Variants in TLK1 observed in about 807,000 individuals in gnomAD.
The protein encoded by TLK1 is tousled like kinase 1.
A neutral mutation model predicts 105.3 loss-of-function variants in TLK1; 24 were observed. The observed-to-expected ratio is 0.23, with a 90% CI of 0.17 to 0.32. The LOEUF (loss-of-function observed/expected upper bound fraction) is 0.32, where lower values mean the gene tolerates loss of function less well. TLK1 is among the 10% of genes least tolerant of loss of function. The probability of loss-of-function intolerance (pLI) is 1.00; values close to 1 mark genes in which losing one functional copy is unlikely to be tolerated. For missense variants in TLK1, 558 were observed against 910.5 expected (o/e 0.61, Z 4.98); for synonymous variants, 321 against 310.4 (o/e 1.03, Z -0.36).
chr2:171,090,402 T>C lies in TLK1; in HGVS notation c.259-7550A>G, dbSNP rs992543284. Among the ~76,000 whole-genome samples the C allele has an allele frequency of 2.6e-5, 4 of 152,254 alleles. No individual in the cohort carries two copies. The South Asian group carries it at 8.3e-4, about 32-fold the overall frequency. On this transcript the variant is annotated intron_variant, in intron 2 of 20. Coordinates refer to ENST00000431350, the MANE Select transcript of TLK1 (RefSeq NM_012290.5). ...AGATTCCTTGTGATTTTTCTCTAGA[T>C]CATAATCATGTTATGGGGATAATCT...
intron 3 of TLK1, 32 bp from the exon 4 acceptor site, chr2:171,061,188 G>A: frequency 4.4e-6 from 7 of 1,606,008 alleles, no homozygotes; most frequent in Non-Finnish European, 6.0e-6. Context: ...ATTTTTAAAT[G>A]ACAGTTTTAA....
intron 1 of TLK1, among the ~76,000 whole-genome samples, chr2:171,191,789 C>G (rs1693159834): frequency 6.6e-6 from 1 of 151,970 alleles, no homozygotes. Flanking sequence ...AAGGGTTTAC[C>G]CAGCAAGGCC....
At chr2:171,059,949 A>G (rs1687672183) in intron 4 of TLK1, 1 of 1,591,966 alleles carries the variant, frequency 6.3e-7, no homozygotes, top group African/African-American at 1.3e-5. Flanking sequence ...CCATTTCCCA[A>G]TAGGCCAAGG....
chr2:171,182,117 G>A (rs1692938506), intron 1 of TLK1, among the ~76,000 whole-genome samples: 1 of 152,162 alleles, frequency 6.6e-6, no homozygotes, highest in Non-Finnish European at 1.5e-5. Context: ...TGGGAATAGG[G>A]CCATATGGAA....
chr2:171,122,952 T>C (rs1039030921), intron 1 of TLK1, among the ~76,000 whole-genome samples: 4 of 151,260 alleles, frequency 2.6e-5, no homozygotes, highest in Non-Finnish European at 4.4e-5. Context: ...GGCACAAGAA[T>C]CACTTGAACC....
chr2:171,075,761 T>A (rs1201479777), intron 3 of TLK1, among the ~76,000 whole-genome samples: 1 of 152,204 alleles, frequency 6.6e-6, no homozygotes, highest in Non-Finnish European at 1.5e-5. Context: ...GTTATGCTTT[T>A]AATAATCATT....
At chr2:171,106,249 AGAGT>A (rs1394308570) in intron 2 of TLK1, among the ~76,000 whole-genome samples, 1 of 152,210 alleles carries the variant, frequency 6.6e-6, no homozygotes, top group Non-Finnish European at 1.5e-5. Flanking sequence ...CTGCATAGGA[AGAGT>A]AAGTCCTGGT....
Position 171,042,459 on chromosome 2 carries a change from G to C in TLK1, c.1169+3715C>G, listed in dbSNP as rs556966121. Among the ~76,000 whole-genome samples, 138 of 151,966 alleles carry C rather than the reference G, an allele frequency of 9.1e-4. 1 individual carries two copies. The highest frequency in any genetic ancestry group is 7.5e-3 in the South Asian group (36 of 4,802). On this transcript the variant is annotated intron_variant, in intron 11 of 20. Transcript: ENST00000431350. ...GATAGGGTCTTGCTCTGTTGCCCAG[G>C]CTAGTTTCAAATTCTTGACCTCAGT...
chr2:171,126,807 A>G (rs1690885109), intron 1 of TLK1, among the ~76,000 whole-genome samples: 1 of 151,936 alleles, frequency 6.6e-6, no homozygotes, highest in Non-Finnish European at 1.5e-5. Flanking sequence ...GAGAACAGTT[A>G]AAGCTTTTCT....
intron 1 of TLK1, among the ~76,000 whole-genome samples, chr2:171,218,244 T>G (rs1315192748): frequency 6.6e-6 from 1 of 151,834 alleles, no homozygotes; most frequent in Non-Finnish European, 1.5e-5. Context: ...AGAGGGAGAC[T>G]CCATCGCATA....
At chr2:171,225,087 G>A (rs1274061718) in intron 1 of TLK1, among the ~76,000 whole-genome samples, 1 of 151,882 alleles carries the variant, frequency 6.6e-6, no homozygotes, top group Non-Finnish European at 1.5e-5. Context: ...TCTCAAGGCA[G>A]GCACTAAATA....
At chr2:171,218,459 A>G (rs1157641126) in intron 1 of TLK1, among the ~76,000 whole-genome samples, 1 of 152,228 alleles carries the variant, frequency 6.6e-6, no homozygotes, top group Non-Finnish European at 1.5e-5. Flanking sequence ...AACAATGAAA[A>G]TGTACTTAAC....
At chr2:171,068,284 G>A (rs371999699) in intron 3 of TLK1, among the ~76,000 whole-genome samples, 1 of 152,006 alleles carries the variant, frequency 6.6e-6, no homozygotes, top group African/African-American at 2.4e-5. Context: ...AGCCAAGATC[G>A]CGCCATTGCA....
In TLK1 at chr2:170,993,695, A is replaced by G. The variant is rs773828470; in HGVS notation, c.*85T>C. 9 of 1,121,526 alleles carry G rather than the reference A, an allele frequency of 8.0e-6. No individual in the cohort carries two copies. Among genetic ancestry groups the G allele is most frequent in the African/African-American group, 7.9e-5 (5 of 63,054 alleles). The allele number at this position is 1,121,526 out of a possible 1,614,324, so 69.5% of individuals were successfully genotyped here. ...AAAAAAAAAAAAAAAAAAAAAGAAA[A>G]AGAAAACAAACACTCAAATGCTCTC... On this transcript the variant is annotated 3_prime_UTR_variant, in exon 21 of 21. Coordinates refer to ENST00000431350, the MANE Select transcript of TLK1 (RefSeq NM_012290.5).
intron 1 of TLK1, among the ~76,000 whole-genome samples, chr2:171,124,933 C>T (rs1056556332): frequency 6.6e-6 from 1 of 152,150 alleles, no homozygotes; most frequent in Admixed American, 6.5e-5. Context: ...CATCAAGAGC[C>T]GAGAAAAACC....
chr2:171,148,430 T>C (rs1313294736), intron 1 of TLK1, among the ~76,000 whole-genome samples: 1 of 152,072 alleles, frequency 6.6e-6, no homozygotes, highest in African/African-American at 2.4e-5. Context: ...GCATGCTGTT[T>C]GTCATTGTTG....
Position 171,069,192 on chromosome 2 carries a change from C to T in TLK1, c.331-8036G>A, listed in dbSNP as rs191761927. ...GGTAATTTATATAACAAGTTATATACTATCTTAGTTATATGGAAAGATTAT... is the reference window on the plus strand; with the variant it reads ...GGTAATTTATATAACAAGTTATATATTATCTTAGTTATATGGAAAGATTAT... On this transcript the variant is annotated intron_variant, in intron 3 of 20. Transcript: ENST00000431350. Among the ~76,000 whole-genome samples, 328 of 152,224 alleles carry T rather than the reference C, an allele frequency of 2.2e-3. 1 individual carries two copies. Among genetic ancestry groups the T allele is most frequent in the African/African-American group, 6.9e-3 (285 of 41,536 alleles).
chr2:170,995,514 C>A (rs1004081316), intron 20 of TLK1, among the ~76,000 whole-genome samples: 2 of 152,022 alleles, frequency 1.3e-5, no homozygotes, highest in African/African-American at 4.8e-5. Flanking sequence ...AACTCCACTC[C>A]TCCTGGTCTT....
chr2:171,052,598 G>T (rs574981951), intron 8 of TLK1, among the ~76,000 whole-genome samples: 9 of 152,028 alleles, frequency 5.9e-5, no homozygotes, highest in Non-Finnish European at 1.3e-4. Context: ...AAAACAAGCT[G>T]GGCAAAAGGG....
Sources: gnomAD v4.1 joint callset for allele counts (sites outside exome capture counted in the v4.1 genomes callset) on GRCh38, gnomAD v4.1.1 for gene constraint, MANE v1.5 for transcripts, NCBI Gene and HGNC (gene_info 2026-07-23, HGNC 2026-07-21) for gene names.